Variants in ATXN1 observed in about 807,000 individuals in gnomAD.
The protein encoded by ATXN1 is ataxin 1.
Under a neutral mutation model 56.4 loss-of-function variants are expected in ATXN1, and 8 were observed. That is an observed-to-expected ratio of 0.14 (90% confidence interval 0.08 to 0.26). ATXN1 has a LOEUF of 0.26. Among genes scored for constraint, ATXN1 ranks in the 10% least tolerant of loss-of-function variants. The pLI, the probability that ATXN1 is intolerant of heterozygous loss-of-function variation, is 1.00. For synonymous variants in ATXN1, 514 were observed against 494.6 expected (o/e 1.04, Z -0.52); for missense variants, 987 against 1,106.5 (o/e 0.89, Z 1.53).
chr6:16,465,274 T>G (rs891567863), intron 6 of ATXN1, among the ~76,000 whole-genome samples: 1 of 152,094 alleles, frequency 6.6e-6, no homozygotes, highest in Non-Finnish European at 1.5e-5. Context: ...CTGGCCAACA[T>G]GGTGAAACCC....
intron 6 of ATXN1, chr6:16,485,253 A>C (rs1760522503): frequency 6.6e-6 from 1 of 152,128 alleles, no homozygotes; most frequent in South Asian, 2.1e-4. Flanking sequence ...AGAAAGTAGG[A>C]GGGCTGAGCA....
intron 2 of ATXN1, among the ~76,000 whole-genome samples, chr6:16,673,722 G>A (rs1460926509): frequency 6.6e-6 from 1 of 152,076 alleles, no homozygotes; most frequent in East Asian, 1.9e-4. Flanking sequence ...CGCCATCACA[G>A]CTCACTGCAG....
chr6:16,725,691 T>A (rs1759833584), intron 2 of ATXN1, among the ~76,000 whole-genome samples: 1 of 152,218 alleles, frequency 6.6e-6, no homozygotes, highest in Admixed American at 6.5e-5. Context: ...ATTCTCACAT[T>A]CAACAATATT....
At chr6:16,358,753 T>C (rs1226746598) in intron 6 of ATXN1, among the ~76,000 whole-genome samples, 2 of 152,178 alleles carry the variant, frequency 1.3e-5, no homozygotes, top group African/African-American at 4.8e-5. Flanking sequence ...CCCCGCCCTC[T>C]TGGGGCCACA....
intron 3 of ATXN1, among the ~76,000 whole-genome samples, chr6:16,630,515 C>T (rs976117996): frequency 2.0e-5 from 3 of 152,166 alleles, no homozygotes; most frequent in African/African-American, 7.2e-5. Flanking sequence ...GAAGTGACCA[C>T]TCCAATGCAT....
At chr6:16,482,435 G>A (rs553671738) in intron 6 of ATXN1, among the ~76,000 whole-genome samples, 12 of 152,282 alleles carry the variant, frequency 7.9e-5, no homozygotes, top group African/African-American at 2.9e-4. Context: ...AACACAGAAG[G>A]CTAGAGGACT....
chr6:16,338,136 G>C (rs554703480), intron 6 of ATXN1, among the ~76,000 whole-genome samples: 1 of 152,188 alleles, frequency 6.6e-6, no homozygotes, highest in Non-Finnish European at 1.5e-5. Flanking sequence ...GGGCTACGCC[G>C]TAAGGTAGAG....
intron 4 of ATXN1, among the ~76,000 whole-genome samples, chr6:16,570,239 T>C (rs1222504307): frequency 2.6e-5 from 4 of 152,218 alleles, no homozygotes; most frequent in Non-Finnish European, 5.9e-5. Context: ...CAAGTTTTTA[T>C]AGGTTTTCTC....
chr6:16,314,803 G>A (rs918430990), intron 7 of ATXN1, among the ~76,000 whole-genome samples: 2 of 152,014 alleles, frequency 1.3e-5, no homozygotes, highest in Admixed American at 6.6e-5. Flanking sequence ...TAGAGACGGG[G>A]TTTTACCATG....
At chr6:16,454,788 AG>A (rs1759831999) in intron 6 of ATXN1, among the ~76,000 whole-genome samples, 1 of 152,254 alleles carries the variant, frequency 6.6e-6, no homozygotes, top group Non-Finnish European at 1.5e-5. Flanking sequence ...AAATTATTAT[AG>A]TAGACAGCAA....
rs950801078 is a variant in ATXN1 at position 16,462,448 on chromosome 6, A to C, written c.-161+23524T>G. 5.9e-5 allele frequency among the ~76,000 whole-genome samples: 9 copies of C among 152,342 alleles called. No individual in the cohort carries two copies. In the East Asian group the frequency reaches 1.7e-3, roughly 29 times the overall value. ...AGGAAAAACTCTTTCCTATTTAAAA[A>C]GGATAAGTGAAAACCTACATAATCT... On this transcript the variant is annotated intron_variant, in intron 6 of 7. Coordinates refer to ENST00000436367, the MANE Select transcript of ATXN1 (RefSeq NM_001128164.2).
intron 4 of ATXN1, among the ~76,000 whole-genome samples, chr6:16,546,252 C>T (rs1761812652): frequency 2.0e-5 from 3 of 152,210 alleles, no homozygotes; most frequent in Non-Finnish European, 4.4e-5. Context: ...CTGATTGTGT[C>T]TTCAAGCAAA....
chr6:16,611,853 T>TTC (rs1763112520), intron 3 of ATXN1, among the ~76,000 whole-genome samples: 1 of 108,140 alleles, frequency 9.2e-6, no homozygotes, highest in African/African-American at 4.5e-5. Flanking sequence ...GATGAAATTT[T>TTC]TTTTTTTTTT....
At chr6:16,417,508 G>A (rs1387714393) in intron 6 of ATXN1, among the ~76,000 whole-genome samples, 1 of 150,214 alleles carries the variant, frequency 6.7e-6, no homozygotes, top group Non-Finnish European at 1.5e-5. Flanking sequence ...GCACGATCTC[G>A]GCTCACTGCA....
intron 2 of ATXN1, among the ~76,000 whole-genome samples, chr6:16,735,239 G>A (rs1267731688): frequency 6.6e-6 from 1 of 152,118 alleles, no homozygotes; most frequent in East Asian, 1.9e-4. Context: ...TTACTGTGAG[G>A]ATTAAGTGAT....
At chr6:16,427,381 G>A (rs1393291244) in intron 6 of ATXN1, among the ~76,000 whole-genome samples, 1 of 152,166 alleles carries the variant, frequency 6.6e-6, no homozygotes, top group East Asian at 1.9e-4. Flanking sequence ...ACTTGCCCAC[G>A]GCGGAGGGAG....
intron 6 of ATXN1, among the ~76,000 whole-genome samples, chr6:16,402,918 T>A (rs768814539): frequency 9.3e-4 from 141 of 152,266 alleles, no homozygotes; most frequent in Non-Finnish European, 1.4e-3. Context: ...ACAGAAAAAA[T>A]TCACGAACTC....
chr6:16,517,181 C>T (rs530854030), intron 5 of ATXN1, among the ~76,000 whole-genome samples: 4 of 152,310 alleles, frequency 2.6e-5, no homozygotes, highest in African/African-American at 9.6e-5. Flanking sequence ...ATCATTTTTA[C>T]TTATTTGTGT....
intron 6 of ATXN1, among the ~76,000 whole-genome samples, chr6:16,346,710 A>G (rs1383858310): frequency 6.6e-6 from 1 of 151,342 alleles, no homozygotes; most frequent in Non-Finnish European, 1.5e-5. Context: ...GTGAGAGGTG[A>G]CAGCATACTG....
Sources: allele counts gnomAD v4.1 joint callset (sites outside exome capture counted in the v4.1 genomes callset), GRCh38; gene constraint gnomAD v4.1.1; transcripts MANE v1.5; gene names NCBI Gene and HGNC (gene_info 2026-07-23, HGNC 2026-07-21).